CCDC102B: variants seen among roughly 807,000 people sequenced by gnomAD.
CCDC102B encodes coiled-coil domain-containing protein 102B.
CCDC102B carries 75 observed loss-of-function variants against 57.4 expected under a neutral mutation model. The ratio of observed to expected loss-of-function variants is 1.31; its 90% confidence interval spans 1.08 to 1.58. CCDC102B has a LOEUF of 1.58. Ranked by LOEUF, CCDC102B falls within the 40% of genes most tolerant of loss-of-function variation. CCDC102B has a pLI of 0.00. For synonymous variants in CCDC102B, 206 were observed against 201.9 expected (o/e 1.02, Z -0.17); for missense variants, 636 against 582.6 (o/e 1.09, Z -0.94).
intron 1 of CCDC102B, among the ~76,000 whole-genome samples, chr18:68,804,634 A>G (rs997584359): frequency 2.0e-5 from 3 of 152,124 alleles, no homozygotes; most frequent in Non-Finnish European, 4.4e-5. Context: ...GAAATGGACA[A>G]TCACATACAG....
In CCDC102B at chr18:68,846,261, G is replaced by A. The variant is rs190776188; in HGVS notation, c.828-52G>A. The A allele has an allele frequency of 9.3e-5, 109 of 1,173,680 alleles. No homozygotes were observed. The African/African-American group carries it at 1.6e-3, about 17-fold the overall frequency. The allele number at this position is 1,173,680 out of a possible 1,614,324, so 72.7% of individuals were successfully genotyped here. On this transcript the variant is annotated intron_variant, in intron 3 of 7. Coordinates refer to ENST00000360242, the MANE Select transcript of CCDC102B (RefSeq NM_024781.3). ...TATAAAATTGAATGCATCCTTGAAA[G>A]TATTTTAAAATTGAAGCCGACTTTT...
intron 6 of CCDC102B, among the ~76,000 whole-genome samples, chr18:68,971,648 G>A (rs1000186962): frequency 6.6e-6 from 1 of 152,074 alleles, no homozygotes; most frequent in Non-Finnish European, 1.5e-5. Context: ...TCTTTTAAAT[G>A]CACAGAGAAA....
At chr18:69,006,222 A>G (rs2051336994) in intron 6 of CCDC102B, among the ~76,000 whole-genome samples, 1 of 152,166 alleles carries the variant, frequency 6.6e-6, no homozygotes, top group African/African-American at 2.4e-5. Context: ...ATTTTAGATA[A>G]TAATAGCATC....
At chr18:68,928,636 A>G (rs7237884) in intron 6 of CCDC102B, among the ~76,000 whole-genome samples, 3,583 of 151,962 alleles carry the variant, frequency 0.024, 133 homozygotes, top group African/African-American at 0.081. Flanking sequence ...CCCATACTGG[A>G]GTGGAAAGGG....
At chr18:69,050,834 G>A (rs1179857353) in intron 7 of CCDC102B, among the ~76,000 whole-genome samples, 1 of 152,038 alleles carries the variant, frequency 6.6e-6, no homozygotes, top group Non-Finnish European at 1.5e-5. Flanking sequence ...CTAATTTTTA[G>A]AAAATCAAGG....
chr18:69,043,855 T>C (rs1036221398), intron 7 of CCDC102B, among the ~76,000 whole-genome samples: 6 of 152,094 alleles, frequency 3.9e-5, no homozygotes, highest in Admixed American at 3.9e-4. Context: ...AAGAGTTTTC[T>C]AAAAAGTTCT....
Position 68,897,329 on chromosome 18 carries a change from A to G in CCDC102B, c.1164A>G (p.Lys388=). Residue 388 remains lysine, a synonymous_variant, in exon 6 of 8, where the codon AAA becomes AAG. Transcript: ENST00000360242. ...RENRRLKIQV[K]EMEELLDKKN... ...ATAGAAGGCTGAAGATCCAGGTGAA[A>G]GAAATGGAAGAGCTTTTGGATAAGA... The G allele has an allele frequency of 6.2e-7, 1 of 1,613,228 alleles. No individual in the cohort carries two copies. The highest frequency in any genetic ancestry group is 1.7e-5 in the Admixed American group (1 of 59,930).
chr18:68,901,037 T>C (rs1002543034), intron 6 of CCDC102B, among the ~76,000 whole-genome samples: 6 of 152,152 alleles, frequency 3.9e-5, no homozygotes, highest in Non-Finnish European at 7.4e-5. Context: ...TTGTGTAAAA[T>C]AGCTTAATGA....
chr18:68,957,493 C>T (rs2049931023), intron 6 of CCDC102B, among the ~76,000 whole-genome samples: 1 of 148,442 alleles, frequency 6.7e-6, no homozygotes, highest in Admixed American at 6.7e-5. Context: ...TATGTCAGTA[C>T]TGTAGTATTT....
chr18:68,801,555 T>C (rs1254569943), intron 1 of CCDC102B, among the ~76,000 whole-genome samples: 1 of 152,044 alleles, frequency 6.6e-6, no homozygotes, highest in African/African-American at 2.4e-5. Context: ...GAAAAAGGTG[T>C]CCTTAATATT....
At position 69,037,417 on chromosome 18, in the gene CCDC102B, A is replaced by C. The variant is rs552127955; in HGVS notation, c.1435-16613A>C. On this transcript the variant is annotated intron_variant, in intron 7 of 7. Transcript: ENST00000360242. ...AAGTTCAAGGATAAAGGACAACAAG[A>C]GGTAGAATAAAGTGTCTAATGAAAA... Among the ~76,000 whole-genome samples, 7 of 152,168 alleles carry C rather than the reference A, an allele frequency of 4.6e-5. No homozygotes were observed. The East Asian group carries it at 1.2e-3, about 25-fold the overall frequency.
At chr18:68,863,742 ATT>A (rs1477887116) in intron 4 of CCDC102B, among the ~76,000 whole-genome samples, 1 of 151,954 alleles carries the variant, frequency 6.6e-6, no homozygotes, top group Non-Finnish European at 1.5e-5. Flanking sequence ...TAGTATCAAT[ATT>A]AAGACATGGA....
At chr18:68,915,804 T>G (rs999294506) in intron 6 of CCDC102B, among the ~76,000 whole-genome samples, 1 of 152,230 alleles carries the variant, frequency 6.6e-6, no homozygotes, top group Non-Finnish European at 1.5e-5. Flanking sequence ...AAAAAATCAA[T>G]TTCAGTCGGT....
intron 6 of CCDC102B, among the ~76,000 whole-genome samples, chr18:68,962,947 T>A (rs1043162718): frequency 1.4e-4 from 21 of 151,620 alleles, no homozygotes; most frequent in Non-Finnish European, 1.8e-4. Flanking sequence ...ATTCTTCCCA[T>A]TTTTTTAAGG....
chr18:68,789,708 G>A (rs1327357138), intron 2 of CCDC102B, among the ~76,000 whole-genome samples: 2 of 140,992 alleles, frequency 1.4e-5, no homozygotes, highest in African/African-American at 2.7e-5. Flanking sequence ...TCTCTGTATT[G>A]GTTATTCTAG....
At chr18:68,905,027 TTA>T (rs779443598) in intron 6 of CCDC102B, among the ~76,000 whole-genome samples, 2 of 151,910 alleles carry the variant, frequency 1.3e-5, no homozygotes, top group Non-Finnish European at 2.9e-5. Flanking sequence ...TTGAATTTAA[TTA>T]TGTTTCCTGA....
At chr18:68,984,538 C>A (rs529282207) in intron 6 of CCDC102B, among the ~76,000 whole-genome samples, 91 of 152,220 alleles carry the variant, frequency 6.0e-4, no homozygotes, top group African/African-American at 2.1e-3. Context: ...TATTTTTAAC[C>A]TATGCCATTT....
intron 7 of CCDC102B, among the ~76,000 whole-genome samples, chr18:69,033,506 C>T (rs1250596092): frequency 2.6e-5 from 4 of 152,124 alleles, no homozygotes; most frequent in South Asian, 2.1e-4. Context: ...ACAGACTTTC[C>T]GATTTTGGAC....
intron 4 of CCDC102B, among the ~76,000 whole-genome samples, chr18:68,850,725 G>A (rs1304710710): frequency 2.0e-5 from 3 of 151,732 alleles, no homozygotes; most frequent in South Asian, 2.1e-4. Flanking sequence ...CCCTGCCCAC[G>A]CTTACCTCTA....
Sources: allele counts gnomAD v4.1 joint callset (sites outside exome capture counted in the v4.1 genomes callset), GRCh38; gene constraint gnomAD v4.1.1; transcripts MANE v1.5; gene names NCBI Gene and HGNC (gene_info 2026-07-23, HGNC 2026-07-21).